The following ZNF532 variants were observed in gnomAD, a reference collection of about 807,000 sequenced individuals.
ZNF532 encodes zinc finger protein 532.
A neutral mutation model predicts 89.3 loss-of-function variants in ZNF532; 22 were observed. That is an observed-to-expected ratio of 0.25 (90% confidence interval 0.18 to 0.35). The LOEUF is 0.35. Ranked by LOEUF, ZNF532 falls within the 10% of genes least tolerant of loss-of-function variation. The probability of loss-of-function intolerance (pLI) is 1.00; values close to 1 mark genes in which losing one functional copy is unlikely to be tolerated. For missense variants in ZNF532, 1,132 were observed against 1,643.4 expected, an observed-to-expected ratio of 0.69 and a Z score of 5.38; for synonymous variants, 606 against 649.6, an observed-to-expected ratio of 0.93 and a Z score of 1.02.
intron 3 of ZNF532, among the ~76,000 whole-genome samples, chr18:58,920,982 C>T (rs903410641): frequency 7.3e-5 from 11 of 151,540 alleles, no homozygotes; most frequent in East Asian, 3.9e-4. Flanking sequence ...CAGCTATATT[C>T]GGGAGGCTGA....
chr18:58,905,735 A>C (rs1484411418), intron 2 of ZNF532, among the ~76,000 whole-genome samples: 1 of 152,144 alleles, frequency 6.6e-6, no homozygotes, highest in Non-Finnish European at 1.5e-5. Context: ...GCAACCAACC[A>C]CCAACAACTA....
intron 8 of ZNF532, chr18:58,981,213 C>G: frequency 2.2e-6 from 1 of 456,236 alleles, no homozygotes; most frequent in Non-Finnish European, 4.0e-6. Flanking sequence ...GGTGCTCATT[C>G]TGAGAGAATA....
intron 7 of ZNF532, 172 bp downstream of exon 7, chr18:58,953,971 A>C: frequency 1.0e-6 from 1 of 985,388 alleles, no homozygotes; most frequent in Non-Finnish European, 1.2e-6. Context: ...GACCTTTTCA[A>C]ATCCTTCAGT....
chr18:58,971,936 G>A (rs2066510568), intron 7 of ZNF532, among the ~76,000 whole-genome samples: 2 of 152,246 alleles, frequency 1.3e-5, no homozygotes, highest in Admixed American at 1.3e-4. Context: ...GGGCATGGTG[G>A]CTCACGCCTG....
intron 2 of ZNF532, among the ~76,000 whole-genome samples, chr18:58,897,350 G>T (rs778733326): frequency 6.6e-6 from 1 of 151,944 alleles, no homozygotes. Flanking sequence ...ATTGAGGTTG[G>T]GGGGAAAAAG....
At position 58,920,639 on chromosome 18, in the gene ZNF532, G is replaced by C; in HGVS notation, c.2346+6G>C. On this transcript the variant is annotated splice_donor_region_variant and intron_variant, in intron 3 of 9. Transcript: ENST00000591808. ...CTGCAGATACGAGTGGACAAGTAGA[G>C]TATCATTTAAATTTTTGTGTTTCAG... 1.9e-6 allele frequency: 3 copies of C among 1,554,694 alleles called. No individual in the cohort carries two copies. Among genetic ancestry groups the C allele is most frequent in the Non-Finnish European group, 2.6e-6 (3 of 1,149,136 alleles).
At chr18:58,913,371 A>G (rs1031973111) in intron 2 of ZNF532, among the ~76,000 whole-genome samples, 2 of 152,220 alleles carry the variant, frequency 1.3e-5, no homozygotes, top group Admixed American at 6.5e-5. Flanking sequence ...AACATTACGT[A>G]ATATAAACAT....
chr18:58,970,304 C>T (rs2066347852), intron 7 of ZNF532, among the ~76,000 whole-genome samples: 1 of 152,162 alleles, frequency 6.6e-6, no homozygotes, highest in Non-Finnish European at 1.5e-5. Flanking sequence ...AACTACTGTA[C>T]TAGGAGAAAA....
At chr18:58,893,656 CAAAA>C (rs11389338) in intron 2 of ZNF532, among the ~76,000 whole-genome samples, 1 of 118,104 alleles carries the variant, frequency 8.5e-6, no homozygotes, top group Admixed American at 8.6e-5. Flanking sequence ...GACTCTGTCT[CAAAA>C]AAAAAAAAAA....
At chr18:58,983,599 AC>A (rs112612807) in intron 9 of ZNF532, among the ~76,000 whole-genome samples, 14,223 of 150,048 alleles carry the variant, frequency 0.095, 1,702 homozygotes, top group African/African-American at 0.28. Context: ...CCACACATAT[AC>A]CCCCCCCTTG....
At chr18:58,863,368 C>G (rs2056119703), upstream of ZNF532, 1 of 148,860 alleles carries the variant, frequency 6.7e-6, no homozygotes, top group South Asian at 2.0e-4. Flanking sequence ...CTCGGGGCTC[C>G]GCAGCGGCCG....
intron 2 of ZNF532, among the ~76,000 whole-genome samples, chr18:58,889,957 T>A (rs1401714390): frequency 6.7e-6 from 1 of 149,874 alleles, no homozygotes; most frequent in East Asian, 2.0e-4. Context: ...GGCATGCACC[T>A]GTATAGTCCC....
At chr18:58,931,794 G>A (rs72959152) in intron 3 of ZNF532, 18,518 of 151,836 alleles carry the variant, frequency 0.12, 1,185 homozygotes, top group Admixed American at 0.15. Context: ...AAGAACATTG[G>A]CTGAGTGTGG....
rs1216904679 is a variant in ZNF532, at chr18:58,868,304, A to G, written c.-18+2725A>G. 2.0e-5 allele frequency among the ~76,000 whole-genome samples: 3 copies of G among 152,324 alleles called. No homozygotes were observed. In the East Asian group the frequency reaches 5.8e-4, roughly 29 times the overall value. On this transcript the variant is annotated intron_variant, in intron 2 of 9. Transcript: ENST00000591808. ...TTATTTTAGGGCTGATCTTTAACTA[A>G]GTCATGGTTAAAGAATTAGCTTAAA... is the stretch of plus-strand genomic sequence containing the variant.
intron 2 of ZNF532, among the ~76,000 whole-genome samples, chr18:58,904,917 C>G (rs917033221): frequency 6.6e-6 from 1 of 151,480 alleles, no homozygotes; most frequent in Non-Finnish European, 1.5e-5. Context: ...TCTTCGCTCA[C>G]TGCAACCTCC....
At chr18:58,948,005 T>G in intron 5 of ZNF532, 62 bp from the exon 6 acceptor site, 5 of 1,504,408 alleles carry the variant, frequency 3.3e-6, no homozygotes, top group Non-Finnish European at 4.5e-6. Context: ...AGCTATAAAG[T>G]AGCAGATCCT....
rs1318979166 is a variant in ZNF532, at chr18:58,865,082, C to A, written c.-431C>A. 2 of 152,090 alleles carry A rather than the reference C, an allele frequency of 1.3e-5. No individual in the cohort carries two copies. The highest frequency in any genetic ancestry group is 3.9e-4 in the East Asian group (2 of 5,190). The allele number at this position is 152,090 out of a possible 1,614,324, so 9.4% of individuals were successfully genotyped here. ...TCTGAGATTACTTGGGCTTTTCCTG[C>A]CTTTTTCTTTTGCTTAAGGGATGGA... On this transcript the variant is annotated 5_prime_UTR_variant, in exon 1 of 10. Transcript: ENST00000591808.
chr18:58,983,446 C>T (rs1314951319), intron 9 of ZNF532, among the ~76,000 whole-genome samples: 2 of 152,182 alleles, frequency 1.3e-5, no homozygotes, highest in Non-Finnish European at 2.9e-5. Context: ...TCTTCTGTTG[C>T]CCACTCACAG....
chr18:58,892,792 G>A (rs946178229), intron 2 of ZNF532, among the ~76,000 whole-genome samples: 5 of 152,204 alleles, frequency 3.3e-5, no homozygotes, highest in African/African-American at 1.2e-4. Flanking sequence ...GAGACAGGAG[G>A]GGAACATTAC....
Sources: allele counts gnomAD v4.1 joint callset (sites outside exome capture counted in the v4.1 genomes callset), GRCh38; gene constraint gnomAD v4.1.1; transcripts MANE v1.5; gene names NCBI Gene and HGNC (gene_info 2026-07-23, HGNC 2026-07-21).